The following ORC1 variants were observed in gnomAD, a reference collection of about 807,000 sequenced individuals.
The protein encoded by ORC1 is origin recognition complex subunit 1, also known as origin recognition complex, subunit 1 homolog.
A neutral mutation model predicts 98.9 loss-of-function variants in ORC1; 61 were observed. The observed-to-expected ratio is 0.62, with a 90% confidence interval of 0.50 to 0.76. The LOEUF (loss-of-function observed/expected upper bound fraction) is 0.76. Among genes scored for constraint, ORC1 ranks in the 30% least tolerant of loss-of-function variants. The pLI is 0.00. For missense variants in ORC1, 979 were observed against 1,072.2 expected, an observed-to-expected ratio of 0.91 and a Z score of 1.21; for synonymous variants, 385 against 406.9, an observed-to-expected ratio of 0.95 and a Z score of 0.65.
At chr1:52,398,586 TA>T (rs1210580575) in intron 3 of ORC1, among the ~76,000 whole-genome samples, 6 of 148,242 alleles carry the variant, frequency 4.0e-5, no homozygotes, top group African/African-American at 1.5e-4. Flanking sequence ...TCTTTTATTT[TA>T]TTTTATTTTT....
intron 5 of ORC1, among the ~76,000 whole-genome samples, chr1:52,394,813 T>C (rs1362680422): frequency 6.6e-6 from 1 of 152,092 alleles, no homozygotes; most frequent in Non-Finnish European, 1.5e-5. Context: ...CACACCTGGC[T>C]AATTTTTTGC....
At chr1:52,373,471 GC>G in intron 16 of ORC1, 96 bp from the exon 17 acceptor site, 1 of 1,052,888 alleles carries the variant, frequency 9.5e-7, no homozygotes. Context: ...CAGACACATG[GC>G]CCCCAGGATA....
intron 3 of ORC1, among the ~76,000 whole-genome samples, chr1:52,400,151 A>G (rs1286886025): frequency 6.6e-6 from 1 of 152,208 alleles, no homozygotes; most frequent in Non-Finnish European, 1.5e-5. Context: ...TCAAAGAGAA[A>G]GTATGTCCAA....
intron 14 of ORC1, among the ~76,000 whole-genome samples, chr1:52,380,380 G>T (rs1647052467): frequency 6.6e-6 from 1 of 152,172 alleles, no homozygotes. Flanking sequence ...GAGGAAAACG[G>T]GAAAGGACAA....
chr1:52,373,372 A>T lies in ORC1; in HGVS notation c.2395T>A (p.Tyr799Asn). The change falls in exon 17 of 17, where the codon TAT (tyrosine) becomes AAT (asparagine). Residue 799 changes from tyrosine (Y) to asparagine (N), a missense_variant. Tyr to Asn is a moderately radical substitution (Grantham distance 143). Coordinates refer to ENST00000371568, the MANE Select transcript of ORC1 (RefSeq NM_004153.4). ...GLEEATFQQI[Y>N]SQHVALCRME... ...CTGCACAGTGCCACATGTTGACTAT[A>T]TATCTAGACACAAATAGCAAGGCAA... 6.2e-7 allele frequency: 1 copy of T among 1,613,316 alleles called. No individual in the cohort carries two copies. The highest frequency in any genetic ancestry group is 8.5e-7 in the Non-Finnish European group (1 of 1,179,352).
rs367868420 is a variant in ORC1, at chr1:52,384,637, T to C, written c.1668A>G (p.Gln556=). ...EVIRCLQQAA[Q]ANDVPPFQYI... ...ATTGAAAGGGAGGAACATCATTGGC[T>C]TGGGCTGCCTGCTGCAGGCAGCGTA... The change falls in exon 11 of 17, where the codon CAA becomes CAG. Residue 556 remains glutamine, a synonymous_variant. Coordinates refer to ENST00000371568, the MANE Select transcript of ORC1 (RefSeq NM_004153.4). 88 of 1,613,862 alleles carry C rather than the reference T, an allele frequency of 5.5e-5. No individual in the cohort carries two copies. The highest frequency in any genetic ancestry group is 7.2e-5 in the Non-Finnish European group (85 of 1,179,874).
At chr1:52,397,457 C>T (rs899512262) in intron 4 of ORC1, among the ~76,000 whole-genome samples, 2 of 152,192 alleles carry the variant, frequency 1.3e-5, no homozygotes, top group Non-Finnish European at 2.9e-5. Flanking sequence ...CTGCTCATCC[C>T]TCAGGTCACA....
chr1:52,397,961 T>G (rs763179059), intron 3 of ORC1, 98 bp from the exon 4 acceptor site: 315 of 1,189,130 alleles, frequency 2.6e-4, no homozygotes, highest in Non-Finnish European at 3.8e-4. Context: ...ACCCTTGACA[T>G]GTGTGGTTTT....
At chr1:52,381,843 A>G in intron 13 of ORC1, 82 bp from the exon 14 acceptor site, 1 of 1,431,076 alleles carries the variant, frequency 7.0e-7, no homozygotes, top group Non-Finnish European at 9.8e-7. Flanking sequence ...TGGGCCCCCA[A>G]ACCCAATTCC....
At chr1:52,375,639 C>T in intron 14 of ORC1, 40 bp from the exon 15 acceptor site, 3 of 1,598,346 alleles carry the variant, frequency 1.9e-6, no homozygotes, top group Non-Finnish European at 1.7e-6. Flanking sequence ...CCACCTTAGC[C>T]CAGAAGAACC....
At position 52,397,729 on chromosome 1, in the gene ORC1, A is replaced by G; in HGVS notation, c.358T>C (p.Cys120Arg). Residue 120 changes from cysteine to arginine, a missense_variant, in exon 4 of 17, where the codon TGT becomes CGT. By Grantham distance (180) the Cys-to-Arg change is radical. Coordinates refer to ENST00000371568, the MANE Select transcript of ORC1 (RefSeq NM_004153.4). Reference protein sequence around the residue: ...QEIFWYDYPACDSNINAETII... With the variant: ...QEIFWYDYPARDSNINAETII... ...GTCTCCGCATTAATGTTGCTGTCAC[A>G]GGCCGGGTAATCATACCAGAATATT... is the stretch of plus-strand genomic sequence containing the variant. The G allele has an allele frequency of 6.2e-7, 1 of 1,614,226 alleles. No homozygotes were observed. The highest frequency in any genetic ancestry group is 8.5e-7 in the Non-Finnish European group (1 of 1,180,026).
chr1:52,379,156 T>C (rs1279159123), intron 14 of ORC1, among the ~76,000 whole-genome samples: 6 of 151,898 alleles, frequency 4.0e-5, no homozygotes, highest in African/African-American at 1.5e-4. Context: ...AGAACAAATC[T>C]AAGTTACATT....
intron 4 of ORC1, among the ~76,000 whole-genome samples, chr1:52,397,206 G>T (rs910169161): frequency 6.6e-6 from 1 of 152,132 alleles, no homozygotes; most frequent in African/African-American, 2.4e-5. Flanking sequence ...GGAGCCTGAA[G>T]TCACTTCAGG....
chr1:52,380,654 C>A (rs1260312693), intron 14 of ORC1, among the ~76,000 whole-genome samples: 1 of 150,870 alleles, frequency 6.6e-6, no homozygotes, highest in African/African-American at 2.4e-5. Context: ...GAGATCACGC[C>A]ACTGCACTCC....
intron 13 of ORC1, among the ~76,000 whole-genome samples, chr1:52,383,153 C>T (rs1446621003): frequency 6.6e-6 from 1 of 151,974 alleles, no homozygotes; most frequent in Non-Finnish European, 1.5e-5. Context: ...AATGCAAACT[C>T]TGCCTCCGGA....
rs1435297024 is a variant in ORC1 at position 52,373,229 on chromosome 1, C to T, written c.2538G>A (p.Arg846=). Residue 846 remains arginine (R), a synonymous_variant, in exon 17 of 17, where the codon CGG becomes CGA. Coordinates refer to ENST00000371568, the MANE Select transcript of ORC1 (RefSeq NM_004153.4). ...PSRNDLLLRV[R]LNVSQDDVLY... is the part of the protein sequence containing the mutation. ...GCACATCATCCTGGCTGACGTTGAG[C>T]CGCACCCGAAGGAGCAGATCGTTCC... The T allele has an allele frequency of 6.2e-7, 1 of 1,614,218 alleles. No homozygotes were observed. Among genetic ancestry groups the T allele is most frequent in the Admixed American group, 1.7e-5 (1 of 60,034 alleles).
At chr1:52,394,043 A>T (rs1300659755) in intron 5 of ORC1, among the ~76,000 whole-genome samples, 1 of 152,214 alleles carries the variant, frequency 6.6e-6, no homozygotes, top group Non-Finnish European at 1.5e-5. Flanking sequence ...CAGCTTTTGC[A>T]GATAAATGGA....
intron 5 of ORC1, among the ~76,000 whole-genome samples, chr1:52,394,674 A>T (rs971399670): frequency 2.0e-5 from 3 of 152,104 alleles, no homozygotes; most frequent in African/African-American, 7.2e-5. Flanking sequence ...TCTGAGACAG[A>T]GTCTTGCTCT....
At chr1:52,396,488 A>G in intron 4 of ORC1, 124 bp from the exon 5 acceptor site, 1 of 1,169,928 alleles carries the variant, frequency 8.5e-7, no homozygotes, top group Non-Finnish European at 1.2e-6. Context: ...TACCTTTCCA[A>G]TCTAAAGACG....
Sources: allele counts gnomAD v4.1 joint callset (sites outside exome capture counted in the v4.1 genomes callset), GRCh38; gene constraint gnomAD v4.1.1; transcripts MANE v1.5; gene names NCBI Gene and HGNC (gene_info 2026-07-23, HGNC 2026-07-21).